Variants in CYP27C1 observed in about 807,000 individuals in gnomAD.
CYP27C1 encodes the protein cytochrome P450 family 27 subfamily C member 1, also known as cytochrome P450 27C1.
A neutral mutation model predicts 40.6 loss-of-function variants in CYP27C1; 29 were observed. The ratio of observed to expected loss-of-function variants is 0.71; its 90% CI spans 0.53 to 0.97. The LOEUF (loss-of-function observed/expected upper bound fraction) is 0.97. Among genes scored for constraint, CYP27C1 ranks in the 50% least tolerant of loss-of-function variants. The pLI is 0.00. For synonymous variants in CYP27C1, 198 were observed against 186.8 expected, an observed-to-expected ratio of 1.06 and a Z score of -0.49; for missense variants, 390 against 485.8, an observed-to-expected ratio of 0.80 and a Z score of 1.85.
rs954417406 is a variant in CYP27C1 at position 127,219,709 on chromosome 2, C to T, written c.282+280G>A. On this transcript the variant is annotated intron_variant, in intron 1 of 8. Coordinates refer to ENST00000664447, the MANE Select transcript of CYP27C1 (RefSeq NM_001367502.1). This position sits in a 1 kb window ranked among gnomAD's most constrained non-coding sequence, Gnocchi z 8.7. ...CTCCGGGGTCCGCTTCCCGAAGACC[C>T]CTCCCCAACGCCCCCGCCCCGCTCC... Among the ~76,000 whole-genome samples, 17 of 152,124 alleles carry T rather than the reference C, an allele frequency of 1.1e-4. No individual in the cohort carries two copies. The highest frequency in any genetic ancestry group is 4.1e-4 in the African/African-American group (17 of 41,442).
chr2:127,219,305 G>A lies in CYP27C1; in HGVS notation c.282+684C>T, dbSNP rs1302505992. 6.6e-6 allele frequency among the ~76,000 whole-genome samples: 1 copy of A among 151,762 alleles called. No individual in the cohort carries two copies. The highest frequency in any genetic ancestry group is 2.4e-5 in the African/African-American group (1 of 41,300). On this transcript the variant is annotated intron_variant, in intron 1 of 8. Coordinates refer to ENST00000664447, the MANE Select transcript of CYP27C1 (RefSeq NM_001367502.1). The surrounding 1 kb of genome is among the most constrained non-coding windows in gnomAD (Gnocchi z 8.7). ...CGCCAGCTCTCCACTCCCAGGCCCC[G>A]GCGGCGTCCACCAGGCGCCCGCTGC...
At chr2:127,215,380 A>G (rs1683412166) in intron 1 of CYP27C1, among the ~76,000 whole-genome samples, 1 of 152,206 alleles carries the variant, frequency 6.6e-6, no homozygotes, top group Non-Finnish European at 1.5e-5. Context: ...TTATCTCAAA[A>G]TGGATCAAAG....
At position 127,196,845 on chromosome 2, in the gene CYP27C1, A is replaced by T. The variant is rs1338206781; in HGVS notation, c.1048-1344T>A. Among the ~76,000 whole-genome samples the T allele has an allele frequency of 6.6e-6, 1 of 152,234 alleles. No individual in the cohort carries two copies. The highest frequency in any genetic ancestry group is 1.5e-5 in the Non-Finnish European group (1 of 68,042). On this transcript the variant is annotated intron_variant, in intron 5 of 8. Transcript: ENST00000664447. The surrounding 1 kb of genome is among the most constrained non-coding windows in gnomAD (Gnocchi z 4.5). ...CTGAGTGCAGGAAGCCAGATGGAAA[A>T]GACAGCATGCTATATGATTCCATTC...
chr2:127,195,554 G>A lies in CYP27C1; in HGVS notation c.1048-53C>T. 6.3e-7 allele frequency: 1 copy of A among 1,587,900 alleles called. No homozygotes were observed. Reference sequence around the variant, plus strand: ...CAGGCAGTGAGTAACACCAGGGACTGAAACAGAGGCGGTGGCAGGTAGGAA... The same window carrying A: ...CAGGCAGTGAGTAACACCAGGGACTAAAACAGAGGCGGTGGCAGGTAGGAA... On this transcript the variant is annotated intron_variant, in intron 5 of 8. Transcript: ENST00000664447. This position sits in a 1 kb window ranked among gnomAD's most constrained non-coding sequence, Gnocchi z 6.2.
rs144803436 is a variant in CYP27C1, at chr2:127,199,427, C to A, written c.996G>T (p.Leu332=). The A allele has an allele frequency of 1.1e-5, 18 of 1,613,858 alleles. No individual in the cohort carries two copies. The highest frequency in any genetic ancestry group is 1.2e-5 in the Non-Finnish European group (14 of 1,179,966). The change falls in exon 5 of 9, where the codon CTG becomes CTT. Residue 332 remains leucine, a synonymous_variant. Coordinates refer to ENST00000664447, the MANE Select transcript of CYP27C1 (RefSeq NM_001367502.1). ...TYLFLSQALT[L]QEIYANVTEM... ...CAGTCACGTTGGCGTAGATCTCCTG[C>A]AGCGTCAGAGCCTGGCTAAGGAAGA... is the stretch of plus-strand genomic sequence containing the variant.
chr2:127,217,601 C>T (rs896661142), intron 1 of CYP27C1, among the ~76,000 whole-genome samples: 2 of 152,204 alleles, frequency 1.3e-5, no homozygotes, highest in African/African-American at 4.8e-5. Context: ...CTGTTTCGGC[C>T]ATCCTGCTGC....
intron 2 of CYP27C1, among the ~76,000 whole-genome samples, chr2:127,204,613 G>GA (rs1217906742): frequency 9.7e-6 from 1 of 103,384 alleles, no homozygotes; most frequent in Non-Finnish European, 2.0e-5. Flanking sequence ...AAGAAAGAAA[G>GA]AAAGAAAGAA....
Position 127,210,541 on chromosome 2 carries a change from C to A in CYP27C1, c.283-4451G>T, listed in dbSNP as rs561158667. The stretch of plus-strand genomic sequence containing the variant: ...AACCCTAAATGTAAATGGGCAAATC[C>A]CCCAGTTAAAAGACACAGACTGGCA... On this transcript the variant is annotated intron_variant, in intron 1 of 8. Coordinates refer to ENST00000664447, the MANE Select transcript of CYP27C1 (RefSeq NM_001367502.1). Among the ~76,000 whole-genome samples, 4 of 151,952 alleles carry A rather than the reference C, an allele frequency of 2.6e-5. No homozygotes were observed. The East Asian group carries it at 7.7e-4, about 29-fold the overall frequency.
At position 127,186,723 on chromosome 2, in the gene CYP27C1, T is replaced by C. The variant is rs1321618071; in HGVS notation, c.*548A>G. 3.3e-5 allele frequency: 5 copies of C among 152,354 alleles called. No individual in the cohort carries two copies. Among genetic ancestry groups the C allele is most frequent in the Admixed American group, 3.3e-4 (5 of 15,296 alleles). The allele number at this position is 152,354 out of a possible 1,614,324, so 9.4% of individuals were successfully genotyped here. On this transcript the variant is annotated 3_prime_UTR_variant, in exon 9 of 9. Coordinates refer to ENST00000664447, the MANE Select transcript of CYP27C1 (RefSeq NM_001367502.1). The surrounding 1 kb of genome is among the most constrained non-coding windows in gnomAD (Gnocchi z 4.5). Reference sequence around the variant, plus strand: ...GCCAGCCCTTTTAAGTTTGAGCCCTTTAACAGGATCTAAATCTGGTGCTCA... The same window carrying C: ...GCCAGCCCTTTTAAGTTTGAGCCCTCTAACAGGATCTAAATCTGGTGCTCA...
Position 127,193,202 on chromosome 2 carries a change from T to G in CYP27C1, c.1389A>C (p.Gly463=). 1 of 1,614,144 alleles carries G rather than the reference T, an allele frequency of 6.2e-7. No homozygotes were observed. The highest frequency in any genetic ancestry group is 8.5e-7 in the Non-Finnish European group (1 of 1,180,034). ...CAAAATTGTCAACTCTATCTAAGTC[T>G]CCTTTCCGCAGCCAGCGCTCAGGCC... ...EFRPERWLRK[G]DLDRVDNFGS... is the part of the protein sequence containing the mutation. The change falls in exon 8 of 9, where the codon GGA becomes GGC. Residue 463 remains glycine (G), a synonymous_variant. Coordinates refer to ENST00000664447, the MANE Select transcript of CYP27C1 (RefSeq NM_001367502.1).
At chr2:127,205,269 T>C (rs1683199700) in intron 2 of CYP27C1, among the ~76,000 whole-genome samples, 1 of 152,194 alleles carries the variant, frequency 6.6e-6, no homozygotes, top group Non-Finnish European at 1.5e-5. Flanking sequence ...GAGAAATTGG[T>C]GGCTGTATTT....
At position 127,201,217 on chromosome 2, in the gene CYP27C1, G is replaced by A. The variant is rs767317418; in HGVS notation, c.788C>T (p.Ser263Phe). The change falls in exon 4 of 9, where the codon TCC becomes TTC. Residue 263 changes from serine to phenylalanine, a missense_variant. Transcript: ENST00000664447. This position sits in a 1 kb window ranked among gnomAD's most constrained non-coding sequence, Gnocchi z 6.0. ...TCTGGGGATGGCGCCTGCATACATG[G>A]AGGTCTTGAACATGCTAAACATGAG... Reference protein sequence around the residue: ...LELMFSMFKTSMYAGAIPRWL... With the variant: ...LELMFSMFKTFMYAGAIPRWL... The A allele has an allele frequency of 2.5e-6, 4 of 1,614,156 alleles. No individual in the cohort carries two copies. The South Asian group carries it at 4.4e-5, about 18-fold the overall frequency.
In CYP27C1 at chr2:127,203,373, T is replaced by A; in HGVS notation, c.672A>T (p.Glu224Asp). The change falls in exon 3 of 9, where the codon GAA becomes GAT. Residue 224 changes from glutamate to aspartate, a missense_variant and splice_region_variant. Glu to Asp is a conservative substitution (Grantham distance 45). Transcript: ENST00000664447. ...TCCCACCTGCTGATTCCACCTCACC[T>A]TCCATTGAATATTTGAAGAAAAGAT... ...VNDLFFKYSMEGVATILYESR... is the reference protein window; with the variant it reads ...VNDLFFKYSMDGVATILYESR... The A allele has an allele frequency of 6.2e-7, 1 of 1,612,026 alleles. No homozygotes were observed. Among genetic ancestry groups the A allele is most frequent in the South Asian group, 1.1e-5 (1 of 90,556 alleles).
chr2:127,194,967 C>T (rs969739387), intron 6 of CYP27C1, among the ~76,000 whole-genome samples: 2 of 151,788 alleles, frequency 1.3e-5, no homozygotes, highest in Non-Finnish European at 2.9e-5. Context: ...GTAGCTGGGA[C>T]TACAGGTGCC....
chr2:127,204,535 AAGAG>A lies in CYP27C1; in HGVS notation c.474-968_474-965del, dbSNP rs372686054. ...AAAGAAGGAAAGAAAGAAAGAAAGA[AAGAG>A]AGAGAGAGAGAGAGAGAGAAAGAAA... On this transcript the variant is annotated intron_variant, in intron 2 of 8. Coordinates refer to ENST00000664447, the MANE Select transcript of CYP27C1 (RefSeq NM_001367502.1). Among the ~76,000 whole-genome samples, 283 of 46,912 alleles carry A rather than the reference AAGAG, an allele frequency of 6.0e-3. 20 individuals are homozygous for A. The highest frequency in any genetic ancestry group is 0.016 in the African/African-American group (225 of 13,664). 30.8% of individuals were successfully genotyped at this position (46,912 alleles called of 152,430 possible).
intron 8 of CYP27C1, among the ~76,000 whole-genome samples, chr2:127,188,522 GC>G (rs57392826): frequency 0.13 from 19,655 of 151,816 alleles, 1,565 homozygotes; most frequent in South Asian, 0.23. Context: ...ATAGGTATGA[GC>G]CACCACTCTC....
intron 8 of CYP27C1, among the ~76,000 whole-genome samples, chr2:127,187,720 A>C (rs996265759): frequency 4.6e-5 from 7 of 152,192 alleles, no homozygotes; most frequent in Non-Finnish European, 8.8e-5. Context: ...GCAGGTCTAG[A>C]TGAAGAAGGC....
At chr2:127,189,436 C>A (rs189765493) in intron 8 of CYP27C1, among the ~76,000 whole-genome samples, 196 of 151,986 alleles carry the variant, frequency 1.3e-3, no homozygotes, top group African/African-American at 4.6e-3. Context: ...GGGAACATCA[C>A]ACACAGGGGC....
At chr2:127,187,414 T>C in intron 8 of CYP27C1, 27 bp from the exon 9 acceptor site, 1 of 1,590,908 alleles carries the variant, frequency 6.3e-7, no homozygotes, top group Non-Finnish European at 8.6e-7. Flanking sequence ...AGAGAAGGGG[T>C]CAGAATTGGA....
Sources: gnomAD v4.1 joint callset for allele counts (sites outside exome capture counted in the v4.1 genomes callset) on GRCh38, gnomAD v4.1.1 for gene constraint, Gnocchi (gnomAD v3.1) non-coding constraint, MANE v1.5 for transcripts, NCBI Gene and HGNC (gene_info 2026-07-23, HGNC 2026-07-21) for gene names.